The following SZT2 variants were observed in gnomAD, a reference collection of about 807,000 sequenced individuals.
SZT2 encodes the protein KICSTOR complex protein SZT2.
Under a neutral mutation model 404.2 loss-of-function variants are expected in SZT2, and 216 were observed. The ratio of observed to expected loss-of-function variants is 0.53; its 90% CI spans 0.48 to 0.60. SZT2 has a LOEUF of 0.60. Ranked by LOEUF, SZT2 falls within the 20% of genes least tolerant of loss-of-function variation. The pLI, the probability that SZT2 is intolerant of heterozygous loss-of-function variation, is 0.00. For missense variants in SZT2, 3,857 were observed against 4,459.2 expected (o/e 0.86, Z 3.85); for synonymous variants, 1,693 against 1,749.9 (o/e 0.97, Z 0.81).
Position 43,441,748 on chromosome 1 carries a change from C to T in SZT2, c.7672C>T (p.Leu2558=). ...GTCCCGGTTCCTCCTTCCATCCATC[C>T]TGTCTGAGTTCACCGCACTGGTCAC... ...MVSRFLLPSI[L]SEFTALVTSM... Residue 2558 remains leucine (L), a synonymous_variant, in exon 55 of 72, where the codon CTG becomes TTG. Coordinates refer to ENST00000634258, the MANE Select transcript of SZT2 (RefSeq NM_001365999.1). This position sits in a 1 kb window ranked among gnomAD's most constrained non-coding sequence, Gnocchi z 4.8. 6 of 1,614,204 alleles carry T rather than the reference C, an allele frequency of 3.7e-6. No individual in the cohort carries two copies. Among genetic ancestry groups the T allele is most frequent in the Non-Finnish European group, 5.1e-6 (6 of 1,180,034 alleles).
intron 26 of SZT2, 51 bp downstream of exon 26, chr1:43,427,785 C>A (rs1391230742): frequency 1.9e-6 from 3 of 1,588,284 alleles, no homozygotes; most frequent in Admixed American, 3.5e-5. Flanking sequence ...TGGCTCCCAG[C>A]CAAGAAATAA....
rs201099906 is a variant in SZT2, at chr1:43,435,201, G to T, written c.5906G>T (p.Arg1969Leu). ...VGEICREVNQ[R>L]LLLQDLHDSH... ...CTGACCTCATGCTCCTTCTCCCAGCGACTGCTTCTTCAAGACCTTCATGAC... is the reference window on the plus strand; with the variant it reads ...CTGACCTCATGCTCCTTCTCCCAGCTACTGCTTCTTCAAGACCTTCATGAC... The change falls in exon 42 of 72, where the codon CGA (arginine) becomes CTA (leucine). Residue 1969 changes from arginine to leucine, a missense_variant and splice_region_variant. Arg to Leu is a moderately radical substitution (Grantham distance 102). This residue lies in a region of SZT2 where 1,725 missense variants were observed against 1,881.0 expected (regional missense o/e 0.92). Transcript: ENST00000634258. The T allele has an allele frequency of 2.5e-6, 4 of 1,614,050 alleles. No individual in the cohort carries two copies. The highest frequency in any genetic ancestry group is 1.3e-5 in the African/African-American group (1 of 75,028).
At chr1:43,428,865 C>A in intron 28 of SZT2, 1 of 224,942 alleles carries the variant, frequency 4.4e-6, no homozygotes, top group Non-Finnish European at 9.0e-6. Flanking sequence ...CTGCTAAGTC[C>A]CCAGCTCACC....
rs890946491 is a variant in SZT2 at position 43,425,382 on chromosome 1, G to C, written c.2646-92G>C. On this transcript the variant is annotated intron_variant, in intron 18 of 71. Coordinates refer to ENST00000634258, the MANE Select transcript of SZT2 (RefSeq NM_001365999.1). This position sits in a 1 kb window ranked among gnomAD's most constrained non-coding sequence, Gnocchi z 4.3. ...GGTCTGGGAAGGCCTTGTATGACTC[G>C]TGGCTGTCCTCTGTGCCTGCCTCCT... 16 of 1,567,280 alleles carry C rather than the reference G, an allele frequency of 1.0e-5. No individual in the cohort carries two copies. In the African/African-American group the frequency reaches 1.6e-4, roughly 16 times the overall value.
chr1:43,400,221 T>C (rs1649519956), intron 1 of SZT2, among the ~76,000 whole-genome samples: 1 of 152,224 alleles, frequency 6.6e-6, no homozygotes, highest in Non-Finnish European at 1.5e-5. Context: ...ATTACAAGTC[T>C]GAGCCACAGT....
At chr1:43,443,145 A>G (rs370025557) in intron 59 of SZT2, 43 bp from the exon 60 acceptor site, 9 of 1,613,578 alleles carry the variant, frequency 5.6e-6, no homozygotes, top group African/African-American at 2.7e-5. Flanking sequence ...GGAGGAAGGG[A>G]GTGACAATGC....
In SZT2 at chr1:43,431,314, T is replaced by C. The variant is rs1653842222; in HGVS notation, c.4966T>C (p.Ser1656Pro). 3.1e-6 allele frequency: 5 copies of C among 1,613,400 alleles called. No individual in the cohort carries two copies. The Admixed American group carries it at 6.7e-5, about 22-fold the overall frequency. Residue 1656 changes from serine (S) to proline (P), a missense_variant, in exon 34 of 72, where the codon TCA (serine) becomes CCA (proline). By Grantham distance (74) the Ser-to-Pro change is moderately conservative. Around this residue, in one of 7 missense-constraint regions of SZT2, gnomAD observed 1,725 missense variants for 1,881.0 expected, o/e 0.92. Coordinates refer to ENST00000634258, the MANE Select transcript of SZT2 (RefSeq NM_001365999.1). ...ATTTCCACGATCCCCAGGGCAGCCA[T>C]CATCTTTAAGGTCAGATGATGGCCT... is the stretch of plus-strand genomic sequence containing the variant. Reference protein sequence around the residue: ...ASFPRSPGQPSSLRSDDGLGP... With the variant: ...ASFPRSPGQPPSLRSDDGLGP...
At chr1:43,430,828 G>A in intron 32 of SZT2, 39 bp downstream of exon 32, 1 of 1,591,212 alleles carries the variant, frequency 6.3e-7, no homozygotes, top group African/African-American at 1.3e-5. Context: ...CAAAGGTCCT[G>A]GAACAGCCTG....
chr1:43,448,123 C>T lies in SZT2; in HGVS notation c.9608C>T (p.Pro3203Leu), dbSNP rs781443309. The T allele has an allele frequency of 1.9e-6, 3 of 1,603,800 alleles. No homozygotes were observed. The highest frequency in any genetic ancestry group is 2.2e-5 in the South Asian group (2 of 90,026). Residue 3203 changes from proline (P) to leucine (L), a missense_variant, in exon 69 of 72, where the codon CCC becomes CTC. By Grantham distance (98) the Pro-to-Leu change is moderately conservative. Around this residue, in one of 7 missense-constraint regions of SZT2, gnomAD observed 717 missense variants for 868.2 expected, o/e 0.83. Transcript: ENST00000634258. This position sits in a 1 kb window ranked among gnomAD's most constrained non-coding sequence, Gnocchi z 4.2. ...VVLTSQRELF[P>L]RLTADMRRFR... ...CTCACCAGCCAGCGAGAGCTCTTCC[C>T]CAGGCTCACTGCTGACATGCGCCGC...
intron 4 of SZT2, 23 bp downstream of exon 4, chr1:43,404,573 T>G (rs1322688289): frequency 3.7e-6 from 6 of 1,603,154 alleles, no homozygotes; most frequent in Non-Finnish European, 5.1e-6. Context: ...CTCTCCAAGT[T>G]TGTACCCTCA....
chr1:43,440,423 A>T (rs1246814733), intron 51 of SZT2, 30 bp from the exon 52 acceptor site: 5 of 1,551,370 alleles, frequency 3.2e-6, no homozygotes. Flanking sequence ...ATGATCAGTG[A>T]TGGGTGTCTG....
intron 62 of SZT2, chr1:43,445,498 C>T (rs1557599507): frequency 3.6e-6 from 1 of 275,586 alleles, no homozygotes; most frequent in Non-Finnish European, 7.1e-6. Flanking sequence ...CCATCCCCCC[C>T]AATCAAAAGA....
intron 28 of SZT2, chr1:43,428,781 G>A: frequency 5.3e-6 from 2 of 378,122 alleles, no homozygotes; most frequent in South Asian, 7.1e-5. Context: ...TTGTTCTGAG[G>A]ACATCCACAC....
rs1389743532 is a variant in SZT2 at position 43,432,302 on chromosome 1, G to A, written c.5305G>A (p.Val1769Ile). Reference sequence around the variant, plus strand: ...CCGCCGCCTCCATCTCCCTGGCCATGTTCTTCTTGAAGACCCTGACAGTGG... The same window carrying A: ...CCGCCGCCTCCATCTCCCTGGCCATATTCTTCTTGAAGACCCTGACAGTGG... Reference protein sequence around the residue: ...EFRRLHLPGHVLLEDPDSGFF... With the variant: ...EFRRLHLPGHILLEDPDSGFF... Residue 1769 changes from valine to isoleucine, a missense_variant, in exon 37 of 72, where the codon GTT becomes ATT. By Grantham distance (29) the Val-to-Ile change is conservative. Transcript: ENST00000634258. 2 of 1,585,300 alleles carry A rather than the reference G, an allele frequency of 1.3e-6. No homozygotes were observed. Among genetic ancestry groups the A allele is most frequent in the African/African-American group, 1.4e-5 (1 of 73,680 alleles).
chr1:43,437,429 C>T lies in SZT2; in HGVS notation c.6211C>T (p.Leu2071Phe). ...SRAIQALRSV[L>F]NAFSVVNRKN... is the part of the protein sequence containing the mutation. ...AGCCATCCAGGCCCTGCGCTCTGTG[C>T]TCAATGCCTTCTCTGTGGTGAACCG... Residue 2071 changes from leucine (L) to phenylalanine (F), a missense_variant, in exon 44 of 72, where the codon CTC becomes TTC. Physicochemically the swap from Leu to Phe is conservative, Grantham distance 22 (BLOSUM62 0). Transcript: ENST00000634258. This position sits in a 1 kb window ranked among gnomAD's most constrained non-coding sequence, Gnocchi z 5.3. The T allele has an allele frequency of 6.2e-7, 1 of 1,614,164 alleles. No individual in the cohort carries two copies. The highest frequency in any genetic ancestry group is 1.1e-5 in the South Asian group (1 of 91,070).
Position 43,415,048 on chromosome 1 carries a change from C to T in SZT2, c.499-34C>T, listed in dbSNP as rs148037461. 7.5e-4 allele frequency: 1,197 copies of T among 1,591,774 alleles called. 11 individuals carry two copies. The East Asian group carries it at 0.013, about 18-fold the overall frequency. ...GTGTAGTGGTCTGTGCCACCCTGAC[C>T]GTCCTGTCTCAGTCTTTCCCATGTG... On this transcript the variant is annotated intron_variant, in intron 4 of 71. Transcript: ENST00000634258.
At position 43,446,270 on chromosome 1, in the gene SZT2, G is replaced by A. The variant is rs780463399; in HGVS notation, c.8997+11G>A. 1.9e-6 allele frequency: 3 copies of A among 1,614,124 alleles called. No individual in the cohort carries two copies. Among genetic ancestry groups the A allele is most frequent in the Non-Finnish European group, 8.5e-7 (1 of 1,180,046 alleles). ...GAACTGGCATTCCAGGTAAGCAGGAGGAGCACTGAGTGGAGACAGCCAGAC... is the reference window on the plus strand; with the variant it reads ...GAACTGGCATTCCAGGTAAGCAGGAAGAGCACTGAGTGGAGACAGCCAGAC... On this transcript the variant is annotated intron_variant, in intron 64 of 71. Transcript: ENST00000634258.
intron 1 of SZT2, among the ~76,000 whole-genome samples, chr1:43,393,236 C>A (rs894908493): frequency 6.6e-6 from 1 of 152,134 alleles, no homozygotes; most frequent in East Asian, 1.9e-4. Flanking sequence ...CCCAGTGGAG[C>A]CTTCAGAGAA....
chr1:43,431,513 C>T lies in SZT2; in HGVS notation c.5078C>T (p.Thr1693Ile), dbSNP rs774045494. ...ATPHRLAIET[T>I]MNEIRWLLED... The stretch of plus-strand genomic sequence containing the variant: ...CCCCACAGACTGGCTATTGAGACCA[C>T]CATGAATGAGGTGAGCCCCCCACCC... The change falls in exon 35 of 72, where the codon ACC becomes ATC. Residue 1693 changes from threonine to isoleucine, a missense_variant. This residue lies in a region of SZT2 where 1,725 missense variants were observed against 1,881.0 expected (regional missense o/e 0.92). Coordinates refer to ENST00000634258, the MANE Select transcript of SZT2 (RefSeq NM_001365999.1). 28 of 1,614,056 alleles carry T rather than the reference C, an allele frequency of 1.7e-5. No homozygotes were observed. The highest frequency in any genetic ancestry group is 2.2e-5 in the East Asian group (1 of 44,890).
Sources: gnomAD v4.1 joint callset for allele counts (sites outside exome capture counted in the v4.1 genomes callset) on GRCh38, gnomAD v4.1.1 for gene constraint, gnomAD v4.1.1 regional missense constraint, Gnocchi (gnomAD v3.1) non-coding constraint, MANE v1.5 for transcripts, NCBI Gene and HGNC (gene_info 2026-07-23, HGNC 2026-07-21) for gene names.